Variants in XIRP2 observed in about 807,000 individuals in gnomAD.
XIRP2 encodes xin actin binding repeat containing 2.
A neutral mutation model predicts 277.0 loss-of-function variants in XIRP2; 236 were observed. The observed-to-expected ratio is 0.85, with a 90% CI of 0.77 to 0.95. The LOEUF is 0.95. XIRP2 is among the 40% of genes least tolerant of loss of function. The pLI, the probability that XIRP2 is intolerant of heterozygous loss-of-function variation, is 0.00. For synonymous variants in XIRP2, 1,490 were observed against 1,416.5 expected (o/e 1.05, Z -1.17); for missense variants, 4,640 against 4,157.5 (o/e 1.12, Z -3.19).
At chr2:167,178,120 A>G (rs187091853) in intron 3 of XIRP2, among the ~76,000 whole-genome samples, 2 of 152,142 alleles carry the variant, frequency 1.3e-5, no homozygotes, top group African/African-American at 2.4e-5. Flanking sequence ...TCATATATAT[A>G]CATGTTATTT....
chr2:167,251,368 G>A lies in XIRP2; in HGVS notation c.9976G>A (p.Val3326Met), dbSNP rs747232202. 19 of 1,613,396 alleles carry A rather than the reference G, an allele frequency of 1.2e-5. No individual in the cohort carries two copies. The Admixed American group carries it at 2.2e-4, about 18-fold the overall frequency. ...NRTVQMAENF[V>M]NDPENEINRW... is the part of the protein sequence containing the mutation. ...AACTGTTCAAATGGCTGAAAATTTC[G>A]TGAATGACCCTGAAAATGAAATAAA... is the stretch of plus-strand genomic sequence containing the variant. The change falls in exon 9 of 11, where the codon GTG (valine) becomes ATG (methionine). Residue 3326 changes from valine to methionine, a missense_variant. By Grantham distance (21) the Val-to-Met change is conservative. Coordinates refer to ENST00000409195, the MANE Select transcript of XIRP2 (RefSeq NM_152381.6).
At chr2:166,931,556 A>G (rs759038734) in intron 2 of XIRP2, among the ~76,000 whole-genome samples, 9 of 152,242 alleles carry the variant, frequency 5.9e-5, no homozygotes, top group South Asian at 4.1e-4. Context: ...TTCACTTAAC[A>G]TATTTTGGAG....
rs112202807 is a variant in XIRP2 at position 166,926,052 on chromosome 2, C to T, written c.408+22162C>T. On this transcript the variant is annotated intron_variant, in intron 2 of 10. Transcript: ENST00000409195. ...TGGTGCTACTGTACTGCAGCCTCAGCGACAGAGTGAGACCCTATCTCAAAA... is the reference window on the plus strand; with the variant it reads ...TGGTGCTACTGTACTGCAGCCTCAGTGACAGAGTGAGACCCTATCTCAAAA... Among the ~76,000 whole-genome samples the T allele has an allele frequency of 2.9e-3, 441 of 151,952 alleles. 3 individuals are homozygous for T. The highest frequency in any genetic ancestry group is 8.8e-3 in the African/African-American group (364 of 41,472).
At position 167,202,777 on chromosome 2, in the gene XIRP2, C is replaced by T. The variant is rs117690268; in HGVS notation, c.563-7958C>T. Among the ~76,000 whole-genome samples, 136 of 152,236 alleles carry T rather than the reference C, an allele frequency of 8.9e-4. 5 individuals are homozygous for T. In the East Asian group the frequency reaches 0.022, roughly 25 times the overall value. On this transcript the variant is annotated intron_variant, in intron 3 of 10. Coordinates refer to ENST00000409195, the MANE Select transcript of XIRP2 (RefSeq NM_152381.6). Reference sequence around the variant, plus strand: ...AAATGCAACAGATTCCAATAGCACTCATCTATTATCTTACAGTTCTGGAAG... The same window carrying T: ...AAATGCAACAGATTCCAATAGCACTTATCTATTATCTTACAGTTCTGGAAG...
chr2:167,142,227 T>A (rs1165957450), intron 3 of XIRP2, among the ~76,000 whole-genome samples: 1 of 152,052 alleles, frequency 6.6e-6, no homozygotes, highest in Non-Finnish European at 1.5e-5. Context: ...AGCCCACACA[T>A]GAGAGCCAAA....
chr2:167,157,531 C>A (rs1426926581), intron 3 of XIRP2, among the ~76,000 whole-genome samples: 3 of 151,944 alleles, frequency 2.0e-5, no homozygotes, highest in Non-Finnish European at 4.4e-5. Flanking sequence ...TGGAGGCTAC[C>A]CTTTTTCTCC....
chr2:166,988,593 G>T (rs1687079465), intron 2 of XIRP2, among the ~76,000 whole-genome samples: 3 of 134,130 alleles, frequency 2.2e-5, no homozygotes, highest in African/African-American at 8.9e-5. Flanking sequence ...AGTGGGCGCA[G>T]GCCAGTGTGT....
chr2:167,079,382 T>A (rs1489505443), intron 2 of XIRP2, among the ~76,000 whole-genome samples: 1 of 152,318 alleles, frequency 6.6e-6, no homozygotes, highest in Non-Finnish European at 1.5e-5. Flanking sequence ...CCGCTCAATT[T>A]TTTAGAACAG....
chr2:167,063,592 G>A (rs553901683), intron 2 of XIRP2, among the ~76,000 whole-genome samples: 6 of 151,742 alleles, frequency 4.0e-5, no homozygotes, highest in East Asian at 1.9e-4. Context: ...TTCACTTCAC[G>A]TATTTTGAAG....
intron 2 of XIRP2, among the ~76,000 whole-genome samples, chr2:167,114,206 T>C (rs879766200): frequency 1.3e-5 from 2 of 152,184 alleles, no homozygotes; most frequent in Non-Finnish European, 2.9e-5. Context: ...TCATTGTTAA[T>C]ATCCTGAGAT....
In XIRP2 at chr2:166,925,692, AT is replaced by A. The variant is rs562721512; in HGVS notation, c.408+21805del. Among the ~76,000 whole-genome samples, 16 of 149,982 alleles carry A rather than the reference AT, an allele frequency of 1.1e-4. No individual in the cohort carries two copies. The South Asian group carries it at 2.9e-3, about 28-fold the overall frequency. On this transcript the variant is annotated intron_variant, in intron 2 of 10. Coordinates refer to ENST00000409195, the MANE Select transcript of XIRP2 (RefSeq NM_152381.6). ...TCTCATAGGGAAAGATTATATCACA[AT>A]TTATCTTAGTGTTCCCACTCCTAAT...
At chr2:167,179,557 T>C (rs552223069) in intron 3 of XIRP2, among the ~76,000 whole-genome samples, 2 of 152,146 alleles carry the variant, frequency 1.3e-5, no homozygotes, top group South Asian at 2.1e-4. Context: ...CCTGACCTCA[T>C]GATCTGCCCA....
intron 2 of XIRP2, among the ~76,000 whole-genome samples, chr2:167,038,257 GTTAC>G (rs1389507763): frequency 1.3e-5 from 2 of 151,948 alleles, no homozygotes; most frequent in Non-Finnish European, 2.9e-5. Flanking sequence ...TTATATGTAA[GTTAC>G]TTTCTAATTT....
Position 167,248,093 on chromosome 2 carries a change from C to T in XIRP2, c.6701C>T (p.Thr2234Ile), listed in dbSNP as rs1243149733. 1 of 1,613,348 alleles carries T rather than the reference C, an allele frequency of 6.2e-7. No homozygotes were observed. Among genetic ancestry groups the T allele is most frequent in the Non-Finnish European group, 8.5e-7 (1 of 1,179,728 alleles). ...EMKVSEKSHN[T>I]FKATNKKRET... The stretch of plus-strand genomic sequence containing the variant: ...AAAGTCTCTGAAAAAAGTCACAATA[C>T]ATTTAAGGCAACCAACAAAAAGCGG... Residue 2234 changes from threonine to isoleucine, a missense_variant, in exon 9 of 11, where the codon ACA (threonine) becomes ATA (isoleucine). Transcript: ENST00000409195.
At chr2:167,040,982 G>A (rs549155428) in intron 2 of XIRP2, among the ~76,000 whole-genome samples, 1 of 152,144 alleles carries the variant, frequency 6.6e-6, no homozygotes, top group Non-Finnish European at 1.5e-5. Context: ...CTGCCGCCCT[G>A]ACAAAGTGCA....
chr2:167,142,886 A>C (rs1691760645), intron 3 of XIRP2, among the ~76,000 whole-genome samples: 1 of 152,112 alleles, frequency 6.6e-6, no homozygotes, highest in African/African-American at 2.4e-5. Flanking sequence ...AAAGAAACTC[A>C]GTGTTCTGGG....
intron 2 of XIRP2, among the ~76,000 whole-genome samples, chr2:166,936,150 C>A (rs548537096): frequency 2.0e-5 from 3 of 152,330 alleles, no homozygotes; most frequent in Admixed American, 6.5e-5. Context: ...ATTTGCATTT[C>A]TCTGATGGCC....
intron 2 of XIRP2, among the ~76,000 whole-genome samples, chr2:167,127,343 T>A (rs1233973504): frequency 1.3e-5 from 2 of 152,138 alleles, no homozygotes; most frequent in East Asian, 3.9e-4. Context: ...AGTAACATGA[T>A]CTGGTCTAAT....
At chr2:167,130,651 C>A (rs1691347257) in intron 2 of XIRP2, among the ~76,000 whole-genome samples, 1 of 151,986 alleles carries the variant, frequency 6.6e-6, no homozygotes, top group African/African-American at 2.4e-5. Context: ...CCAGTTTACC[C>A]TTTCTTTTCT....
Sources: gnomAD v4.1 joint callset for allele counts (sites outside exome capture counted in the v4.1 genomes callset) on GRCh38, gnomAD v4.1.1 for gene constraint, MANE v1.5 for transcripts, NCBI Gene and HGNC (gene_info 2026-07-23, HGNC 2026-07-21) for gene names.